NRK: variants seen among roughly 807,000 people sequenced by gnomAD.
The protein encoded by NRK is Nik related kinase.
A neutral mutation model predicts 125.2 loss-of-function variants in NRK; 67 were observed. The observed-to-expected ratio is 0.54, with a 90% CI of 0.44 to 0.66. The LOEUF (loss-of-function observed/expected upper bound fraction) is 0.66. Among genes scored for constraint, NRK ranks in the 30% least tolerant of loss-of-function variants. NRK has a pLI of 0.00. For synonymous variants in NRK, 458 were observed against 429.0 expected (o/e 1.07, Z -0.84); for missense variants, 1,224 against 1,192.9 (o/e 1.03, Z -0.38).
intron 23 of NRK, 72 bp from the exon 24 acceptor site, chrX:105,943,869 A>G (rs2040778366): frequency 1.3e-5 from 7 of 547,956 alleles, no homozygotes; most frequent in Non-Finnish European, 2.1e-5. Flanking sequence ...GGCATTTTTT[A>G]TGACAAATAC....
In NRK at chrX:105,908,369, C is replaced by T. The variant is rs17343039; in HGVS notation, c.1085+66C>T. The T allele has an allele frequency of 4.5e-3, 2,514 of 557,173 alleles. 53 individuals are homozygous for T. In the South Asian group the frequency reaches 0.057, roughly 13 times the overall value. The allele number at this position is 557,173 out of a possible 1,213,427, so 45.9% of individuals were successfully genotyped here. A position where few individuals can be genotyped will look rare whatever the true frequency, so the allele number is the denominator to read the frequency against. On this transcript the variant is annotated intron_variant, in intron 12 of 28. Coordinates refer to ENST00000243300, the MANE Select transcript of NRK (RefSeq NM_198465.4). ...TTCACATAAGGCCGTTGATTCCATA[C>T]TGTTGCCTTTGGTTCAGAAAGACTT...
chrX:105,898,838 T>A, intron 8 of NRK, 124 bp downstream of exon 8: 1 of 497,340 alleles, frequency 2.0e-6, no homozygotes, highest in Non-Finnish European at 3.1e-6. Flanking sequence ...TAAATGCTAG[T>A]AGGAAATACA....
At chrX:105,867,670 A>T (rs908749104) in intron 2 of NRK, among the ~76,000 whole-genome samples, 1 of 111,722 alleles carries the variant, frequency 9.0e-6, no homozygotes, top group Non-Finnish European at 1.9e-5. Flanking sequence ...TATTTTCGTT[A>T]TATCTCCCAA....
Position 105,906,635 on chromosome X carries a change from T to G in NRK, c.1021+46T>G, listed in dbSNP as rs777774331. The G allele has an allele frequency of 1.0e-5, 7 of 682,420 alleles. No homozygotes were observed. In the East Asian group the frequency reaches 2.2e-4, roughly 22 times the overall value. The allele number at this position is 682,420 out of a possible 1,213,427, so 56.2% of individuals were successfully genotyped here. A position where few individuals can be genotyped will look rare whatever the true frequency, so the allele number is the denominator to read the frequency against. On this transcript the variant is annotated intron_variant, in intron 11 of 28. Coordinates refer to ENST00000243300, the MANE Select transcript of NRK (RefSeq NM_198465.4). ...TTTTACTGAAATGAATATTCAGAGTTTATTCATGTATTGTTTCCAGGAAAA... is the reference window on the plus strand; with the variant it reads ...TTTTACTGAAATGAATATTCAGAGTGTATTCATGTATTGTTTCCAGGAAAA...
intron 6 of NRK, 72 bp downstream of exon 6, chrX:105,894,014 A>G: frequency 3.8e-6 from 2 of 522,100 alleles, no homozygotes; most frequent in Non-Finnish European, 3.1e-6. Flanking sequence ...TGCACCTTAT[A>G]CCTGCTCACA....
In NRK at chrX:105,906,430, A is replaced by T; in HGVS notation, c.862A>T (p.Asn288Tyr). ...ATTTTTTAGGTCCCGTAAGTTCCAC[A>T]ATTTCATGGAAAAGTGTACGATAAA... The part of the protein sequence containing the change: ...KSSGWSRKFH[N>Y]FMEKCTIKNF... Residue 288 changes from asparagine to tyrosine, a missense_variant, in exon 11 of 29, where the codon AAT (asparagine) becomes TAT (tyrosine). By Grantham distance (143) the Asn-to-Tyr change is moderately radical (BLOSUM62 -2). Transcript: ENST00000243300. 1 of 1,162,522 alleles carries T rather than the reference A, an allele frequency of 8.6e-7. No individual in the cohort carries two copies. The highest frequency in any genetic ancestry group is 1.2e-6 in the Non-Finnish European group (1 of 865,237).
chrX:105,940,042 A>G lies in NRK; in HGVS notation c.3958+10A>G, dbSNP rs2040717910. ...GAACACTTCAGTGTCCGTAAGCCAC[A>G]TTTCATGTTTACTACAGCTATATAA... is the stretch of plus-strand genomic sequence containing the variant. On this transcript the variant is annotated intron_variant, in intron 23 of 28. Coordinates refer to ENST00000243300, the MANE Select transcript of NRK (RefSeq NM_198465.4). 8.8e-7 allele frequency: 1 copy of G among 1,136,158 alleles called. No individual in the cohort carries two copies. Among genetic ancestry groups the G allele is most frequent in the Non-Finnish European group, 1.2e-6 (1 of 841,881 alleles). The allele number at this position is 1,136,158 out of a possible 1,213,427, so 93.6% of individuals were successfully genotyped here. A position where few individuals can be genotyped will look rare whatever the true frequency, so the allele number is the denominator to read the frequency against.
chrX:105,946,521 C>T, intron 26 of NRK, 57 bp downstream of exon 26: 1 of 871,452 alleles, frequency 1.1e-6, no homozygotes, highest in Non-Finnish European at 1.6e-6. Context: ...TTGAGTTTTT[C>T]CAACTGTCAA....
At chrX:105,894,103 T>A (rs1376466476) in intron 6 of NRK, among the ~76,000 whole-genome samples, 161 bp downstream of exon 6, 1 of 112,131 alleles carries the variant, frequency 8.9e-6, no homozygotes, top group African/African-American at 3.2e-5. Context: ...AGAAAGCCAA[T>A]TTGCAGCTGA....
intron 2 of NRK, among the ~76,000 whole-genome samples, chrX:105,833,027 G>A (rs372022271): frequency 2.7e-5 from 3 of 110,233 alleles, no homozygotes; most frequent in South Asian, 3.9e-4. Flanking sequence ...AGACCTTATC[G>A]CTTAAAAAAT....
At chrX:105,901,713 C>G (rs1387350597) in intron 9 of NRK, among the ~76,000 whole-genome samples, 1 of 111,548 alleles carries the variant, frequency 9.0e-6, no homozygotes. Context: ...AGCTAGGACA[C>G]CTGTGGAGAT....
Position 105,917,659 on chromosome X carries a change from G to C in NRK, c.2499G>C (p.Trp833Cys). ...RQRSSQNRQN[W>C]LAASESSSEE... ...GGAGTTCGCAAAATCGTCAAAATTG[G>C]CTGGCAGCATCAGGTGATTCAAAGC... is the stretch of plus-strand genomic sequence containing the variant. The change falls in exon 16 of 29, where the codon TGG becomes TGC. Residue 833 changes from tryptophan (W) to cysteine (C), a missense_variant. Transcript: ENST00000243300. The C allele has an allele frequency of 8.8e-7, 1 of 1,138,841 alleles. No homozygotes were observed. The highest frequency in any genetic ancestry group is 1.2e-6 in the Non-Finnish European group (1 of 848,612). The allele number at this position is 1,138,841 out of a possible 1,213,427, so 93.9% of individuals were successfully genotyped here.
At chrX:105,878,961 G>A (rs2039851446) in intron 2 of NRK, among the ~76,000 whole-genome samples, 1 of 111,227 alleles carries the variant, frequency 9.0e-6, no homozygotes, top group Non-Finnish European at 1.9e-5. Flanking sequence ...TCTGAGTTGA[G>A]GTGTCTGTTG....
chrX:105,927,296 T>C (rs2147774837), intron 19 of NRK, among the ~76,000 whole-genome samples: 1 of 111,814 alleles, frequency 8.9e-6, no homozygotes, highest in East Asian at 2.8e-4. Flanking sequence ...TGTTGGTATG[T>C]ACAAATGTTA....
At chrX:105,891,412 A>G (rs1023800351) in intron 5 of NRK, among the ~76,000 whole-genome samples, 1 of 112,267 alleles carries the variant, frequency 8.9e-6, no homozygotes, top group African/African-American at 3.2e-5. Flanking sequence ...TTGAATCTCT[A>G]TACTTGCTGC....
chrX:105,941,047 C>T (rs1348051688), intron 23 of NRK, among the ~76,000 whole-genome samples: 1 of 111,654 alleles, frequency 9.0e-6, no homozygotes, highest in African/African-American at 3.3e-5. Flanking sequence ...CTACTTCCCT[C>T]CAAATCATAT....
At chrX:105,869,264 G>A (rs1032130900) in intron 2 of NRK, among the ~76,000 whole-genome samples, 5 of 111,588 alleles carry the variant, frequency 4.5e-5, no homozygotes, top group African/African-American at 1.6e-4. Context: ...TACCTTTTGA[G>A]GGTGGCAGGG....
intron 13 of NRK, 68 bp from the exon 14 acceptor site, chrX:105,912,580 A>G (rs2147753110): frequency 2.2e-6 from 1 of 447,317 alleles, no homozygotes; most frequent in East Asian, 4.7e-5. Flanking sequence ...CATTAAGATG[A>G]TGAAGTTGTT....
At chrX:105,906,807 GTA>G (rs1264591969) in intron 11 of NRK, among the ~76,000 whole-genome samples, 15 of 100,549 alleles carry the variant, frequency 1.5e-4, no homozygotes, top group Admixed American at 3.3e-4. Flanking sequence ...GTGTGTGTGT[GTA>G]TAGTTACTAA....
Sources: gnomAD v4.1 joint callset for allele counts (sites outside exome capture counted in the v4.1 genomes callset) on GRCh38, gnomAD v4.1.1 for gene constraint, MANE v1.5 for transcripts, NCBI Gene and HGNC (gene_info 2026-07-23, HGNC 2026-07-21) for gene names.